Variants in CSMD1 observed in about 807,000 individuals in gnomAD.
CSMD1 encodes the protein CUB and Sushi multiple domains 1.
CSMD1 carries 213 observed loss-of-function variants against 417.5 expected under a neutral mutation model. That is an observed-to-expected ratio of 0.51 (90% CI 0.46 to 0.57). The LOEUF (loss-of-function observed/expected upper bound fraction) is 0.57. CSMD1 is among the 20% of genes least tolerant of loss of function. The pLI is 0.00. For synonymous variants in CSMD1, 2,862 were observed against 1,736.8 expected, an observed-to-expected ratio of 1.65 and a Z score of -16.11; for missense variants, 6,923 against 4,529.7, an observed-to-expected ratio of 1.53 and a Z score of -15.17.
intron 1 of CSMD1, among the ~76,000 whole-genome samples, chr8:4,790,623 C>A (rs1585102859): frequency 6.6e-6 from 1 of 152,066 alleles, no homozygotes; most frequent in Non-Finnish European, 1.5e-5. Context: ...GGTACTGGTA[C>A]AAAAGCAGAC....
rs190719605 is a variant in CSMD1 at position 4,901,904 on chromosome 8, C to G, written c.85+92428G>C. On this transcript the variant is annotated intron_variant, in intron 1 of 69. Transcript: ENST00000635120. ...AGCCAAAAGGACACTTCCATTTACC[C>G]TAAATACGTTAAAAAGATTGTCAGT... 7.9e-5 allele frequency among the ~76,000 whole-genome samples: 12 copies of G among 152,214 alleles called. No homozygotes were observed. The South Asian group carries it at 8.3e-4, about 11-fold the overall frequency.
In CSMD1 at chr8:3,157,958, G is replaced by A; in HGVS notation, c.5853C>T (p.Ser1951=). The A allele has an allele frequency of 5.1e-6, 8 of 1,553,696 alleles. No homozygotes were observed. The highest frequency in any genetic ancestry group is 7.0e-6 in the Non-Finnish European group (8 of 1,148,126). Residue 1951 remains serine, a synonymous_variant, in exon 39 of 70, where the codon TCC becomes TCT. Coordinates refer to ENST00000635120, the MANE Select transcript of CSMD1 (RefSeq NM_033225.6). The part of the protein sequence containing the change: ...CEPGYTLQGR[S]HISCMPGTVR... ...CGGTCCCTGGCATACAGGAAATGTG[G>A]GAACGGCCCTGTTTAAAAGAAAACA...
intron 30 of CSMD1, among the ~76,000 whole-genome samples, chr8:3,207,175 C>G (rs1483662303): frequency 2.2e-5 from 1 of 44,816 alleles, no homozygotes; most frequent in African/African-American, 9.2e-5. Flanking sequence ...GAGATGGTGT[C>G]TTGCCCTGTC....
At chr8:4,745,670 G>C (rs1052333928) in intron 1 of CSMD1, among the ~76,000 whole-genome samples, 3 of 152,242 alleles carry the variant, frequency 2.0e-5, no homozygotes, top group South Asian at 4.2e-4. Flanking sequence ...AGAAAACACA[G>C]ATTTTAAGCT....
chr8:3,182,675 C>CTGTG (rs10676783), intron 36 of CSMD1, among the ~76,000 whole-genome samples: 4,530 of 98,950 alleles, frequency 0.046, 483 homozygotes, highest in African/African-American at 0.12. Flanking sequence ...CTATAAGAAG[C>CTGTG]TGTGTGTGTG....
At chr8:4,303,715 T>A (rs1454341218) in intron 3 of CSMD1, among the ~76,000 whole-genome samples, 1 of 151,972 alleles carries the variant, frequency 6.6e-6, no homozygotes. Flanking sequence ...GAGCTCACTG[T>A]CATTATCTTG....
intron 1 of CSMD1, among the ~76,000 whole-genome samples, chr8:4,771,506 C>T (rs1167690108): frequency 6.6e-6 from 1 of 152,198 alleles, no homozygotes. Flanking sequence ...TGCTGCATTA[C>T]TGATTCATTT....
chr8:4,419,965 C>A lies in CSMD1; in HGVS notation c.403G>T (p.Ala135Ser). 6.3e-7 allele frequency: 1 copy of A among 1,576,856 alleles called. No homozygotes were observed. Among genetic ancestry groups the A allele is most frequent in the South Asian group, 1.2e-5 (1 of 85,906 alleles). Residue 135 changes from alanine to serine, a missense_variant, in exon 3 of 70, where the codon GCA (alanine) becomes TCA (serine). Ala to Ser is a moderately conservative substitution (Grantham distance 99, BLOSUM62 1). Transcript: ENST00000635120. Reference sequence around the variant, plus strand: ...ACCAATCTCCTACCTTCATATAATGCTTTGAAACCTTGGGCACTCACAGCG... The same window carrying A: ...ACCAATCTCCTACCTTCATATAATGATTTGAAACCTTGGGCACTCACAGCG... ...DFAVSAQGFKALYEVLPSHTC... is the reference protein window; with the variant it reads ...DFAVSAQGFKSLYEVLPSHTC...
chr8:3,460,879 G>C (rs1816457944), intron 12 of CSMD1, among the ~76,000 whole-genome samples: 2 of 152,176 alleles, frequency 1.3e-5, no homozygotes, highest in Admixed American at 1.3e-4. Flanking sequence ...GAAGCAAAGA[G>C]CTAAGCACCA....
chr8:3,281,549 A>G (rs1191510941), intron 26 of CSMD1, among the ~76,000 whole-genome samples: 1 of 152,210 alleles, frequency 6.6e-6, no homozygotes, highest in Non-Finnish European at 1.5e-5. Flanking sequence ...TGGAGCTTGA[A>G]AGTGTCTTAC....
Position 2,951,145 on chromosome 8 carries a change from G to A in CSMD1, c.10170C>T (p.Ser3390=), listed in dbSNP as rs375328479. 1.4e-4 allele frequency: 233 copies of A among 1,613,308 alleles called. No homozygotes were observed. Among genetic ancestry groups the A allele is most frequent in the Non-Finnish European group, 1.7e-4 (205 of 1,179,608 alleles). Residue 3390 remains serine, a synonymous_variant, in exon 66 of 70, where the codon AGC becomes AGT. Transcript: ENST00000635120. ...ATSSKVNATF[S]EASPVELKLT... ...ACTTCAGCTCCACTGGCGAGGCTTC[G>A]CTGAAGGTGGCATTCACCTTACTGC...
chr8:3,162,770 C>G, intron 37 of CSMD1, among the ~76,000 whole-genome samples: 1 of 151,602 alleles, frequency 6.6e-6, no homozygotes, highest in Non-Finnish European at 1.5e-5. Flanking sequence ...CTCTCTTTCT[C>G]TTAAAGACAA....
intron 2 of CSMD1, among the ~76,000 whole-genome samples, chr8:4,482,858 T>C (rs1443530829): frequency 6.6e-6 from 1 of 152,238 alleles, no homozygotes; most frequent in African/African-American, 2.4e-5. Flanking sequence ...TTGCTATTTA[T>C]GTTTTTTTAA....
At chr8:4,864,246 A>T (rs1048946480) in intron 1 of CSMD1, among the ~76,000 whole-genome samples, 1 of 151,936 alleles carries the variant, frequency 6.6e-6, no homozygotes, top group Non-Finnish European at 1.5e-5. Context: ...TAACATACTT[A>T]GCATTTTGAG....
At chr8:3,804,567 G>C (rs1272564697) in intron 5 of CSMD1, among the ~76,000 whole-genome samples, 1 of 152,062 alleles carries the variant, frequency 6.6e-6, no homozygotes, top group Admixed American at 6.5e-5. Flanking sequence ...TGCAGTCACA[G>C]GTCCAATTTT....
At chr8:3,342,531 C>G (rs1334983167) in intron 23 of CSMD1, among the ~76,000 whole-genome samples, 1 of 152,126 alleles carries the variant, frequency 6.6e-6, no homozygotes, top group African/African-American at 2.4e-5. Flanking sequence ...ATAGCTTTTT[C>G]TTTTACTTCA....
At chr8:3,737,460 T>C (rs992043788) in intron 6 of CSMD1, among the ~76,000 whole-genome samples, 76 of 152,240 alleles carry the variant, frequency 5.0e-4, no homozygotes, top group Admixed American at 2.0e-4. Context: ...AAATTAATTG[T>C]TAAATGCCAT....
chr8:3,697,652 T>C (rs907904843), intron 7 of CSMD1, among the ~76,000 whole-genome samples: 1 of 152,180 alleles, frequency 6.6e-6, no homozygotes, highest in Non-Finnish European at 1.5e-5. Flanking sequence ...GCGCCAAACA[T>C]GAATCATTCA....
At chr8:3,958,682 A>C (rs1354048284) in intron 5 of CSMD1, among the ~76,000 whole-genome samples, 1 of 152,186 alleles carries the variant, frequency 6.6e-6, no homozygotes, top group Admixed American at 6.5e-5. Context: ...CAAAGAGGGA[A>C]ATGGATCAGG....
Sources: allele counts gnomAD v4.1 joint callset (sites outside exome capture counted in the v4.1 genomes callset), GRCh38; gene constraint gnomAD v4.1.1; transcripts MANE v1.5; gene names NCBI Gene and HGNC (gene_info 2026-07-23, HGNC 2026-07-21).